Variants in IARS1 observed in about 807,000 individuals in gnomAD.
The protein encoded by IARS1 is isoleucyl-tRNA synthetase 1, also known as isoleucine--tRNA ligase, cytoplasmic.
In IARS1, 124 loss-of-function variants were observed where a neutral mutation model predicts 168.2. That is an observed-to-expected ratio of 0.74 (90% CI 0.64 to 0.86). The LOEUF is 0.86. Ranked by LOEUF, IARS1 falls within the 40% of genes least tolerant of loss-of-function variation. The pLI is 0.00. For missense variants in IARS1, 1,452 were observed against 1,515.8 expected (o/e 0.96, Z 0.70); for synonymous variants, 532 against 529.4 (o/e 1.00, Z -0.07).
chr9:92,270,847 T>A (rs1832922839), intron 12 of IARS1, 138 bp downstream of exon 12: 2 of 515,758 alleles, frequency 3.9e-6, no homozygotes, highest in Admixed American at 3.4e-5. Context: ...AAAAATGAAG[T>A]AAGAAGGTGG....
chr9:92,274,510 A>G lies in IARS1; in HGVS notation c.906T>C (p.Asn302=). 6.2e-7 allele frequency: 1 copy of G among 1,613,396 alleles called. No homozygotes were observed. The highest frequency in any genetic ancestry group is 1.7e-5 in the Admixed American group (1 of 60,022). ...LFDYFLKCKE[N]GAFTVLVDNY... is the part of the protein sequence containing the mutation. The stretch of plus-strand genomic sequence containing the variant: ...TGTCAACAAGCACAGTGAAAGCGCC[A>G]TTCTCTTTACACTGGAAAGAAAGGA... Residue 302 remains asparagine, a synonymous_variant, in exon 10 of 34, where the codon AAT becomes AAC. Coordinates refer to ENST00000443024, the MANE Select transcript of IARS1 (RefSeq NM_002161.6).
intron 25 of IARS1, among the ~76,000 whole-genome samples, chr9:92,248,583 A>T (rs1829558806): frequency 7.2e-6 from 1 of 139,644 alleles, no homozygotes; most frequent in Non-Finnish European, 1.5e-5. Context: ...AGCCCAGGAG[A>T]TGGAGGCTGT....
chr9:92,275,734 G>A (rs1833689963), intron 9 of IARS1, among the ~76,000 whole-genome samples: 1 of 152,232 alleles, frequency 6.6e-6, no homozygotes, highest in African/African-American at 2.4e-5. Flanking sequence ...ACCACCAGGA[G>A]CAGCAGTGCT....
Position 92,223,410 on chromosome 9 carries a change from G to A in IARS1, c.3489C>T (p.Ile1163=). Reference sequence around the variant, plus strand: ...GACAAAGAAGAGTACTAGAACTGTTGATCAGAGAGGGAGCCGATCCTGCAG... The same window carrying A: ...GACAAAGAAGAGTACTAGAACTGTTAATCAGAGAGGGAGCCGATCCTGCAG... ...CVTAGSAPSL[I]NSSSTLLCQY... Residue 1163 remains isoleucine (I), a synonymous_variant, in exon 32 of 34, where the codon ATC becomes ATT. Coordinates refer to ENST00000443024, the MANE Select transcript of IARS1 (RefSeq NM_002161.6). 1 of 1,613,890 alleles carries A rather than the reference G, an allele frequency of 6.2e-7. No individual in the cohort carries two copies. Among genetic ancestry groups the A allele is most frequent in the Non-Finnish European group, 8.5e-7 (1 of 1,179,784 alleles).
chr9:92,276,335 A>T (rs1298253686), intron 9 of IARS1, among the ~76,000 whole-genome samples: 1 of 152,212 alleles, frequency 6.6e-6, no homozygotes, highest in East Asian at 1.9e-4. Flanking sequence ...AGCCAGTTTG[A>T]CTGAATAAAG....
intron 22 of IARS1, 105 bp from the exon 23 acceptor site, chr9:92,250,939 A>G: frequency 3.2e-6 from 4 of 1,265,336 alleles, no homozygotes; most frequent in African/African-American, 1.5e-5. Context: ...ACACAGTAAT[A>G]GGCACCAAAA....
At chr9:92,269,753 C>T (rs1232586272) in intron 13 of IARS1, 132 bp downstream of exon 13, 5 of 594,174 alleles carry the variant, frequency 8.4e-6, no homozygotes, top group African/African-American at 1.8e-5. Flanking sequence ...CCTAAACACA[C>T]AGAAGAAAAG....
chr9:92,245,126 C>T, intron 26 of IARS1, 55 bp from the exon 27 acceptor site: 1 of 1,384,504 alleles, frequency 7.2e-7, no homozygotes, highest in Non-Finnish European at 1.0e-6. Context: ...CAAGCTGCCC[C>T]ACTACCCGTG....
chr9:92,245,675 C>T (rs1564168692), intron 26 of IARS1, among the ~76,000 whole-genome samples: 2 of 152,160 alleles, frequency 1.3e-5, no homozygotes, highest in East Asian at 3.8e-4. Context: ...TTTACTTTGT[C>T]TCTGTGTTCT....
chr9:92,284,462 C>A (rs1835126462), intron 6 of IARS1, among the ~76,000 whole-genome samples: 2 of 151,574 alleles, frequency 1.3e-5, no homozygotes, highest in South Asian at 4.1e-4. Context: ...TTGCATGTCC[C>A]TGAAACTGTC....
chr9:92,278,303 A>G lies in IARS1; in HGVS notation c.746-17T>C, dbSNP rs1009060584. The G allele has an allele frequency of 6.5e-7, 1 of 1,548,720 alleles. No homozygotes were observed. Among genetic ancestry groups the G allele is most frequent in the African/African-American group, 1.4e-5 (1 of 73,552 alleles). The stretch of plus-strand genomic sequence containing the variant: ...TGGCAACATCTACGAGAAAAAGGAA[A>G]AACATGGACTTGGGTTATATTCTGA... On this transcript the variant is annotated splice_polypyrimidine_tract_variant and intron_variant, in intron 7 of 33. Coordinates refer to ENST00000443024, the MANE Select transcript of IARS1 (RefSeq NM_002161.6).
At chr9:92,278,387 C>A in intron 7 of IARS1, 101 bp from the exon 8 acceptor site, 1 of 781,476 alleles carries the variant, frequency 1.3e-6, no homozygotes. Context: ...AGCTCCTGTA[C>A]CATGTGCCTC....
chr9:92,243,205 G>C lies in IARS1; in HGVS notation c.3000+11C>G. ...CCAAAACAGTAGCTTATTCTTAACT[G>C]ACAAACTAACCTTTTTGCGAAGTTT... On this transcript the variant is annotated intron_variant, in intron 28 of 33. Coordinates refer to ENST00000443024, the MANE Select transcript of IARS1 (RefSeq NM_002161.6). 2.5e-6 allele frequency: 4 copies of C among 1,606,998 alleles called. No individual in the cohort carries two copies. Among genetic ancestry groups the C allele is most frequent in the Non-Finnish European group, 3.4e-6 (4 of 1,173,942 alleles).
chr9:92,260,331 A>G, intron 17 of IARS1, 97 bp from the exon 18 acceptor site: 1 of 875,238 alleles, frequency 1.1e-6, no homozygotes, highest in Non-Finnish European at 2.0e-6. Context: ...AATATACAAA[A>G]TGAAATGGGA....
intron 6 of IARS1, among the ~76,000 whole-genome samples, chr9:92,283,412 G>C (rs1834946582): frequency 6.6e-6 from 1 of 152,250 alleles, no homozygotes; most frequent in African/African-American, 2.4e-5. Flanking sequence ...GGGAGGCTGA[G>C]GCAGGTGGAT....
chr9:92,235,294 G>C (rs117279886), intron 30 of IARS1, among the ~76,000 whole-genome samples: 9 of 152,110 alleles, frequency 5.9e-5, no homozygotes, highest in Non-Finnish European at 1.2e-4. Flanking sequence ...CCTTGTTCCT[G>C]ATTTTAGGTA....
intron 32 of IARS1, 99 bp from the exon 33 acceptor site, chr9:92,222,771 G>T: frequency 8.4e-7 from 1 of 1,186,300 alleles, no homozygotes; most frequent in Non-Finnish European, 1.2e-6. Context: ...CAGTGCTGAG[G>T]CCAGCAGTGC....
At chr9:92,238,717 T>C (rs1466767573) in intron 30 of IARS1, among the ~76,000 whole-genome samples, 1 of 152,224 alleles carries the variant, frequency 6.6e-6, no homozygotes. Context: ...ATGTATCCTG[T>C]GGTATAGTCT....
intron 16 of IARS1, 142 bp downstream of exon 16, chr9:92,264,787 A>C (rs2133825072): frequency 1.5e-6 from 1 of 678,350 alleles, no homozygotes; most frequent in South Asian, 2.0e-5. Context: ...TTGGTGGTGG[A>C]GGGGAGAGGG....
Sources: allele counts gnomAD v4.1 joint callset (sites outside exome capture counted in the v4.1 genomes callset), GRCh38; gene constraint gnomAD v4.1.1; transcripts MANE v1.5; gene names NCBI Gene and HGNC (gene_info 2026-07-23, HGNC 2026-07-21).